Variants in ATP8A2 observed in about 807,000 individuals in gnomAD.
ATP8A2 encodes ATPase phospholipid transporting 8A2, also known as phospholipid-transporting ATPase IB.
Under a neutral mutation model 165.6 loss-of-function variants are expected in ATP8A2, and 100 were observed. The observed-to-expected ratio is 0.60, with a 90% CI of 0.51 to 0.71. ATP8A2 has a LOEUF of 0.71. ATP8A2 is among the 30% of genes least tolerant of loss of function. The pLI is 0.00. For missense variants in ATP8A2, 1,227 were observed against 1,479.5 expected (o/e 0.83, Z 2.80); for synonymous variants, 543 against 548.8 (o/e 0.99, Z 0.15).
At chr13:25,576,566 G>A (rs2039624875) in intron 19 of ATP8A2, among the ~76,000 whole-genome samples, 1 of 150,854 alleles carries the variant, frequency 6.6e-6, no homozygotes, top group African/African-American at 2.4e-5. Context: ...ATGCTGCGGT[G>A]AGGGGAGAGA....
At chr13:25,901,740 G>A (rs145890225) in intron 33 of ATP8A2, among the ~76,000 whole-genome samples, 68 of 152,306 alleles carry the variant, frequency 4.5e-4, no homozygotes, top group African/African-American at 1.4e-3. Flanking sequence ...ACTCTAGATC[G>A]TATTTGCTAA....
At chr13:25,686,683 T>C (rs925717805) in intron 24 of ATP8A2, among the ~76,000 whole-genome samples, 1 of 152,204 alleles carries the variant, frequency 6.6e-6, no homozygotes, top group Non-Finnish European at 1.5e-5. Flanking sequence ...CTTGTCAACC[T>C]ACTGGTTGTA....
At chr13:25,397,349 TAAAACAC>T (rs915031864) in intron 1 of ATP8A2, among the ~76,000 whole-genome samples, 7 of 152,188 alleles carry the variant, frequency 4.6e-5, no homozygotes, top group African/African-American at 1.7e-4. Flanking sequence ...TGTCAAGTCA[TAAAACAC>T]CAGCCTCTAT....
At chr13:25,779,997 G>A (rs1421799116) in intron 27 of ATP8A2, among the ~76,000 whole-genome samples, 3 of 152,204 alleles carry the variant, frequency 2.0e-5, no homozygotes, top group Non-Finnish European at 4.4e-5. Flanking sequence ...TCAAAGCACA[G>A]CAGCATCAGC....
At chr13:25,894,873 C>T (rs1239379347) in intron 33 of ATP8A2, among the ~76,000 whole-genome samples, 1 of 152,034 alleles carries the variant, frequency 6.6e-6, no homozygotes, top group Non-Finnish European at 1.5e-5. Flanking sequence ...GTGATTTTTG[C>T]ACATTGATTT....
chr13:25,899,682 A>C (rs534080951), intron 33 of ATP8A2, among the ~76,000 whole-genome samples: 10 of 152,174 alleles, frequency 6.6e-5, no homozygotes, highest in African/African-American at 2.4e-4. Context: ...GACAGGCAGG[A>C]AGGAAGGGGT....
rs61635155 is a variant in ATP8A2, at chr13:25,966,029, G to GAAAAA, written c.3273-2534_3273-2530dup. On this transcript the variant is annotated intron_variant, in intron 34 of 36. Coordinates refer to ENST00000381655, the MANE Select transcript of ATP8A2 (RefSeq NM_016529.6). ...AGAAGAGTCCAGGGAAAGAGTTTCA[G>GAAAAA]AAAAAAAAAAAAAAAAGGATGGAAA... Among the ~76,000 whole-genome samples the GAAAAA allele has an allele frequency of 9.7e-5, 13 of 133,550 alleles. 4 individuals carry two copies. Among genetic ancestry groups the GAAAAA allele is most frequent in the East Asian group, 2.2e-4 (1 of 4,650 alleles). The allele number at this position is 133,550 out of a possible 152,430, so 87.6% of individuals were successfully genotyped here.
intron 2 of ATP8A2, among the ~76,000 whole-genome samples, chr13:25,502,738 C>T (rs1272889289): frequency 2.0e-5 from 3 of 152,162 alleles, no homozygotes; most frequent in Non-Finnish European, 4.4e-5. Flanking sequence ...GTGTGCGTGT[C>T]GTATCACCTG....
intron 33 of ATP8A2, among the ~76,000 whole-genome samples, chr13:25,909,191 T>C (rs190764931): frequency 6.6e-6 from 1 of 152,256 alleles, no homozygotes; most frequent in East Asian, 1.9e-4. Flanking sequence ...TAGAGTGACA[T>C]ACTAGTCCCC....
At chr13:25,894,026 T>G (rs922612571) in intron 33 of ATP8A2, among the ~76,000 whole-genome samples, 1 of 152,238 alleles carries the variant, frequency 6.6e-6, no homozygotes, top group African/African-American at 2.4e-5. Flanking sequence ...GTGCAGAAGC[T>G]CTTTAGTTTA....
chr13:25,413,419 TTA>T (rs1395651949), intron 1 of ATP8A2, among the ~76,000 whole-genome samples: 3 of 151,502 alleles, frequency 2.0e-5, no homozygotes, highest in Non-Finnish European at 4.4e-5. Context: ...GTAGCTGGGA[TTA>T]CAGGCGCCCA....
intron 35 of ATP8A2, among the ~76,000 whole-genome samples, chr13:25,976,730 C>T (rs987649628): frequency 2.6e-5 from 4 of 152,170 alleles, no homozygotes; most frequent in Non-Finnish European, 5.9e-5. Context: ...GCCAAACCAG[C>T]GGACAAATTC....
intron 26 of ATP8A2, among the ~76,000 whole-genome samples, chr13:25,771,924 C>G (rs1332378348): frequency 1.3e-5 from 2 of 152,172 alleles, no homozygotes; most frequent in Non-Finnish European, 2.9e-5. Context: ...TTTATCTGTT[C>G]ATTTTAATGT....
At chr13:25,977,236 G>C (rs1253564432) in intron 35 of ATP8A2, among the ~76,000 whole-genome samples, 1 of 151,834 alleles carries the variant, frequency 6.6e-6, no homozygotes, top group African/African-American at 2.4e-5. Context: ...TAATCTTGTA[G>C]AGCAAAGAAC....
At chr13:25,894,942 A>G (rs982965110) in intron 33 of ATP8A2, among the ~76,000 whole-genome samples, 2 of 152,058 alleles carry the variant, frequency 1.3e-5, no homozygotes, top group African/African-American at 4.8e-5. Flanking sequence ...GGGCTGAGAC[A>G]ATGGGGTTTT....
intron 30 of ATP8A2, among the ~76,000 whole-genome samples, chr13:25,841,567 A>G (rs181661781): frequency 6.6e-6 from 1 of 152,378 alleles, no homozygotes; most frequent in Admixed American, 6.5e-5. Context: ...TGAATATTTT[A>G]TAATTAATTT....
intron 24 of ATP8A2, among the ~76,000 whole-genome samples, chr13:25,664,633 C>T (rs1441086620): frequency 6.6e-6 from 1 of 152,132 alleles, no homozygotes; most frequent in Non-Finnish European, 1.5e-5. Flanking sequence ...GGGTTTGGCT[C>T]TGATGGGTCT....
intron 34 of ATP8A2, among the ~76,000 whole-genome samples, chr13:25,962,949 T>G (rs1349417057): frequency 1.3e-5 from 2 of 152,210 alleles, no homozygotes; most frequent in African/African-American, 2.4e-5. Flanking sequence ...AAAAATTAAA[T>G]AATTCTCATT....
chr13:26,020,788 C>G lies in ATP8A2; in HGVS notation c.*803C>G, dbSNP rs908783766. On this transcript the variant is annotated 3_prime_UTR_variant, in exon 37 of 37. Transcript: ENST00000381655. ...TCCACTGCAGACTCAGATACAGATG[C>G]GAAAAATTCCTTCTTCCACCGCCCT... 6.6e-6 allele frequency: 1 copy of G among 152,272 alleles called. No individual in the cohort carries two copies. Among genetic ancestry groups the G allele is most frequent in the Non-Finnish European group, 1.5e-5 (1 of 68,100 alleles). 9.4% of individuals were successfully genotyped at this position (152,272 alleles called of 1,614,324 possible).
Sources: allele counts gnomAD v4.1 joint callset (sites outside exome capture counted in the v4.1 genomes callset), GRCh38; gene constraint gnomAD v4.1.1; transcripts MANE v1.5; gene names NCBI Gene and HGNC (gene_info 2026-07-23, HGNC 2026-07-21).